PALLD: variants seen among roughly 807,000 people sequenced by gnomAD.
The protein encoded by PALLD is palladin, cytoskeletal associated protein, also known as palladin.
A neutral mutation model predicts 123.5 loss-of-function variants in PALLD; 61 were observed. The ratio of observed to expected loss-of-function variants is 0.49; its 90% CI spans 0.40 to 0.61. The LOEUF (loss-of-function observed/expected upper bound fraction) is 0.61. Among genes scored for constraint, PALLD ranks in the 20% least tolerant of loss-of-function variants. PALLD has a pLI of 0.00. For missense variants in PALLD, 1,273 were observed against 1,377.0 expected (o/e 0.92, Z 1.20); for synonymous variants, 465 against 496.4 (o/e 0.94, Z 0.84).
At chr4:168,796,837 C>T (rs562024108) in intron 10 of PALLD, among the ~76,000 whole-genome samples, 13 of 152,292 alleles carry the variant, frequency 8.5e-5, no homozygotes, top group African/African-American at 3.1e-4. Context: ...ATAGAAAACA[C>T]ATTTTACCTT....
intron 10 of PALLD, chr4:168,828,891 A>G (rs1026712906): frequency 1.3e-5 from 2 of 152,268 alleles, no homozygotes; most frequent in African/African-American, 4.8e-5. Context: ...ATAAAAGTTC[A>G]TTGTGTATTT....
Position 168,651,367 on chromosome 4 carries a change from A to G in PALLD, c.909-16823A>G, listed in dbSNP as rs1201805564. On this transcript the variant is annotated intron_variant, in intron 2 of 21. Coordinates refer to ENST00000505667, the MANE Select transcript of PALLD (RefSeq NM_001166108.2). ...GGTTAGCTCTTTTTTTTTCCTTAAG[A>G]TCTGGAATGTTCCCAACACAAAGAA... 3.9e-5 allele frequency among the ~76,000 whole-genome samples: 6 copies of G among 152,052 alleles called. No individual in the cohort carries two copies. The East Asian group carries it at 1.2e-3, about 29-fold the overall frequency.
At chr4:168,764,908 T>C (rs1272626860) in intron 10 of PALLD, among the ~76,000 whole-genome samples, 1 of 152,188 alleles carries the variant, frequency 6.6e-6, no homozygotes, top group Non-Finnish European at 1.5e-5. Context: ...CTGAGTGAGC[T>C]TCACTTAAAG....
chr4:168,819,327 TTG>T (rs3046003), intron 10 of PALLD, among the ~76,000 whole-genome samples: 2,309 of 148,822 alleles, frequency 0.016, 42 homozygotes, highest in African/African-American at 0.039. Flanking sequence ...CCGAGACCAT[TTG>T]TGTGTGTGTG....
intron 14 of PALLD, among the ~76,000 whole-genome samples, chr4:168,899,652 C>T (rs1560884006): frequency 6.6e-6 from 1 of 152,116 alleles, no homozygotes; most frequent in South Asian, 2.1e-4. Context: ...CATGGTGGCT[C>T]ACGCCTGTAA....
chr4:168,630,933 A>G (rs914377535), intron 2 of PALLD, among the ~76,000 whole-genome samples: 2 of 152,202 alleles, frequency 1.3e-5, no homozygotes, highest in African/African-American at 4.8e-5. Context: ...CTGAGTCACT[A>G]TGACATAATA....
intron 17 of PALLD, among the ~76,000 whole-genome samples, chr4:168,917,054 T>G (rs1195954728): frequency 6.0e-5 from 9 of 149,008 alleles, no homozygotes; most frequent in East Asian, 3.9e-4. Context: ...TTGGGGTTTT[T>G]TTTTTTTTTT....
intron 10 of PALLD, among the ~76,000 whole-genome samples, chr4:168,840,510 G>A (rs569934879): frequency 2.0e-5 from 3 of 152,162 alleles, no homozygotes; most frequent in South Asian, 2.1e-4. Context: ...TTCATCTCCC[G>A]CTTTTCCAGA....
At chr4:168,512,716 T>C (rs947284031) in intron 2 of PALLD, among the ~76,000 whole-genome samples, 1 of 152,196 alleles carries the variant, frequency 6.6e-6, no homozygotes, top group African/African-American at 2.4e-5. Flanking sequence ...ACACTTAAGA[T>C]GTGAAACTTA....
In PALLD at chr4:168,569,925, G is replaced by A. The variant is rs542552107; in HGVS notation, c.908+57513G>A. On this transcript the variant is annotated intron_variant, in intron 2 of 21. Transcript: ENST00000505667. Reference sequence around the variant, plus strand: ...GTCTCTTTGCAATTCTAGAAGAAACGTCACAGGATTTTAATTCCTGCCAAG... The same window carrying A: ...GTCTCTTTGCAATTCTAGAAGAAACATCACAGGATTTTAATTCCTGCCAAG... Among the ~76,000 whole-genome samples, 36 of 152,184 alleles carry A rather than the reference G, an allele frequency of 2.4e-4. No individual in the cohort carries two copies. In the South Asian group the frequency reaches 7.5e-3, roughly 32 times the overall value.
At chr4:168,658,297 T>TTTC in intron 2 of PALLD, among the ~76,000 whole-genome samples, 1 of 149,260 alleles carries the variant, frequency 6.7e-6, no homozygotes. Flanking sequence ...TTTTTTTTTT[T>TTTC]TTTTTGTGAT....
intron 2 of PALLD, among the ~76,000 whole-genome samples, chr4:168,590,994 C>T (rs1325743198): frequency 6.7e-6 from 1 of 148,494 alleles, no homozygotes; most frequent in Non-Finnish European, 1.5e-5. Context: ...ATTCTCCTGC[C>T]TCATCCTCCT....
chr4:168,605,670 C>G (rs1207279384), intron 2 of PALLD, among the ~76,000 whole-genome samples: 1 of 152,212 alleles, frequency 6.6e-6, no homozygotes, highest in Admixed American at 6.5e-5. Context: ...GGGCTTGGTG[C>G]ATCTGCGGAC....
intron 3 of PALLD, among the ~76,000 whole-genome samples, chr4:168,676,769 T>C (rs1014572700): frequency 1.6e-4 from 24 of 150,722 alleles, no homozygotes; most frequent in Non-Finnish European, 2.1e-4. Context: ...TTAGTAGAGA[T>C]GGGGTTTCAC....
intron 2 of PALLD, among the ~76,000 whole-genome samples, chr4:168,586,875 A>G (rs570076005): frequency 6.6e-6 from 1 of 151,440 alleles, no homozygotes; most frequent in Admixed American, 6.6e-5. Context: ...TTAAAAAAAA[A>G]TCGAACGTTC....
At chr4:168,622,062 C>G (rs556650603) in intron 2 of PALLD, among the ~76,000 whole-genome samples, 1 of 152,122 alleles carries the variant, frequency 6.6e-6, no homozygotes, top group Non-Finnish European at 1.5e-5. Context: ...ACTCCTCGCA[C>G]CAGAGACCTG....
At chr4:168,584,834 T>A (rs1329251506) in intron 2 of PALLD, among the ~76,000 whole-genome samples, 1 of 152,176 alleles carries the variant, frequency 6.6e-6, no homozygotes, top group Non-Finnish European at 1.5e-5. Flanking sequence ...ATAATGTATA[T>A]TTTCTTTCAT....
chr4:168,659,505 A>G (rs1225438281), intron 2 of PALLD, among the ~76,000 whole-genome samples: 1 of 152,196 alleles, frequency 6.6e-6, no homozygotes, highest in East Asian at 1.9e-4. Context: ...AGGAAGCACA[A>G]ATCAGTGAAG....
At chr4:168,877,994 G>T in intron 10 of PALLD, 1 of 1,499,450 alleles carries the variant, frequency 6.7e-7, no homozygotes, top group Non-Finnish European at 8.8e-7. Context: ...CCTCGGGCCC[G>T]CGTCGGGCCA....
Sources: allele counts gnomAD v4.1 joint callset (sites outside exome capture counted in the v4.1 genomes callset), GRCh38; gene constraint gnomAD v4.1.1; transcripts MANE v1.5; gene names NCBI Gene and HGNC (gene_info 2026-07-23, HGNC 2026-07-21).